The following TRHDE variants were observed in gnomAD, a reference collection of about 807,000 sequenced individuals.
TRHDE encodes the protein thyrotropin-releasing hormone-degrading ectoenzyme.
In TRHDE, 72 loss-of-function variants were observed where a neutral mutation model predicts 125.7. The ratio of observed to expected loss-of-function variants is 0.57; its 90% CI spans 0.47 to 0.70. The LOEUF (loss-of-function observed/expected upper bound fraction) is 0.70, where lower values mean the gene tolerates loss of function less well. TRHDE is among the 30% of genes least tolerant of loss of function. The pLI is 0.00. For synonymous variants in TRHDE, 509 were observed against 509.1 expected (o/e 1.00, Z 0.00); for missense variants, 1,110 against 1,327.1 (o/e 0.84, Z 2.54).
At chr12:72,248,005 G>A (rs1001457873) in intron 2 of TRHDE, among the ~76,000 whole-genome samples, 8 of 152,118 alleles carry the variant, frequency 5.3e-5, no homozygotes, top group South Asian at 4.2e-4. Context: ...GTCTCAGTGT[G>A]TATGTATGCA....
intron 2 of TRHDE, among the ~76,000 whole-genome samples, chr12:72,118,866 G>T (rs148831761): frequency 6.6e-6 from 1 of 151,856 alleles, no homozygotes; most frequent in Non-Finnish European, 1.5e-5. Flanking sequence ...ATAATTCTTT[G>T]ATTTGCTGTG....
At chr12:72,570,860 G>A (rs1195541261) in intron 10 of TRHDE, among the ~76,000 whole-genome samples, 1 of 152,168 alleles carries the variant, frequency 6.6e-6, no homozygotes, top group Non-Finnish European at 1.5e-5. Flanking sequence ...CCAAAGTTGT[G>A]TAAGGTGCGA....
At chr12:72,505,500 G>A (rs909641918) in intron 6 of TRHDE, among the ~76,000 whole-genome samples, 4 of 152,136 alleles carry the variant, frequency 2.6e-5, no homozygotes, top group African/African-American at 9.7e-5. Flanking sequence ...ATGCCAAGGT[G>A]GAGAGGGTTG....
chr12:72,451,981 A>G (rs1224382018), intron 3 of TRHDE, among the ~76,000 whole-genome samples: 8 of 152,094 alleles, frequency 5.3e-5, no homozygotes, highest in Admixed American at 1.3e-4. Context: ...GGCCTGTGCC[A>G]GCATGCCCAG....
intron 6 of TRHDE, among the ~76,000 whole-genome samples, chr12:72,510,140 C>T (rs1484608253): frequency 6.6e-6 from 1 of 152,154 alleles, no homozygotes; most frequent in Admixed American, 6.5e-5. Flanking sequence ...GCACAATTAG[C>T]CTCCTGTTCT....
chr12:72,210,515 G>A (rs1592485051), intron 2 of TRHDE, among the ~76,000 whole-genome samples: 1 of 152,136 alleles, frequency 6.6e-6, no homozygotes, highest in Non-Finnish European at 1.5e-5. Context: ...CAATATTTGT[G>A]TTAATGGATA....
intron 6 of TRHDE, among the ~76,000 whole-genome samples, chr12:72,504,577 C>G (rs1023400525): frequency 6.6e-6 from 1 of 152,226 alleles, no homozygotes; most frequent in African/African-American, 2.4e-5. Flanking sequence ...GCTGGGATTA[C>G]AGGCGTGAGC....
intron 2 of TRHDE, among the ~76,000 whole-genome samples, chr12:72,244,306 T>A (rs1878535197): frequency 6.6e-6 from 1 of 152,194 alleles, no homozygotes; most frequent in Admixed American, 6.5e-5. Flanking sequence ...AATGAGCTTT[T>A]CCAAAGGATA....
intron 2 of TRHDE, among the ~76,000 whole-genome samples, chr12:72,219,500 G>A (rs1484320984): frequency 1.3e-5 from 2 of 152,020 alleles, no homozygotes; most frequent in Admixed American, 6.6e-5. Flanking sequence ...ATTCCAATTG[G>A]CTCAGCCTGA....
At chr12:72,552,416 C>G (rs999001968) in intron 7 of TRHDE, among the ~76,000 whole-genome samples, 42 of 152,002 alleles carry the variant, frequency 2.8e-4, no homozygotes, top group African/African-American at 1.0e-3. Flanking sequence ...AGAATGTAAT[C>G]AAGAATGATT....
At chr12:72,482,150 A>C (rs1170976637) in intron 5 of TRHDE, among the ~76,000 whole-genome samples, 1 of 151,976 alleles carries the variant, frequency 6.6e-6, no homozygotes, top group Non-Finnish European at 1.5e-5. Flanking sequence ...CTATGGAATA[A>C]ATCTCATGAT....
chr12:72,449,915 G>A (rs1875489957), intron 3 of TRHDE, among the ~76,000 whole-genome samples: 1 of 151,414 alleles, frequency 6.6e-6, no homozygotes, highest in African/African-American at 2.4e-5. Context: ...TCTCCTTCTA[G>A]TTTCCTGGAT....
chr12:72,567,393 T>G (rs1047627316), intron 9 of TRHDE, among the ~76,000 whole-genome samples: 9 of 151,968 alleles, frequency 5.9e-5, no homozygotes, highest in Non-Finnish European at 1.3e-4. Context: ...ATACTGGAGA[T>G]AGGATTGGTA....
At chr12:72,415,808 A>C (rs536811413) in intron 3 of TRHDE, among the ~76,000 whole-genome samples, 19 of 152,212 alleles carry the variant, frequency 1.2e-4, no homozygotes, top group African/African-American at 4.6e-4. Context: ...GACTGATTCC[A>C]TACCTTGGCT....
At chr12:72,123,754 A>T (rs2139302996) in intron 2 of TRHDE, among the ~76,000 whole-genome samples, 1 of 152,266 alleles carries the variant, frequency 6.6e-6, no homozygotes, top group South Asian at 2.1e-4. Context: ...ATATATATAT[A>T]TCCATGAAAC....
chr12:72,529,420 A>G (rs1868428901), intron 6 of TRHDE, among the ~76,000 whole-genome samples: 2 of 151,902 alleles, frequency 1.3e-5, no homozygotes, highest in South Asian at 4.2e-4. Flanking sequence ...CCCTTTCTTA[A>G]CCCCCTGTCC....
chr12:72,462,776 C>T (rs1439398788), intron 3 of TRHDE, among the ~76,000 whole-genome samples: 1 of 152,126 alleles, frequency 6.6e-6, no homozygotes. Context: ...TTCATGATAG[C>T]CCCAATTGCA....
At chr12:72,620,962 A>G in intron 13 of TRHDE, 146 bp from the exon 14 acceptor site, 1 of 391,320 alleles carries the variant, frequency 2.6e-6, no homozygotes, top group East Asian at 4.0e-5. Flanking sequence ...TAAAATTATA[A>G]TAGAACATTA....
chr12:72,302,845 C>T (rs1868282912), intron 2 of TRHDE, among the ~76,000 whole-genome samples: 1 of 152,290 alleles, frequency 6.6e-6, no homozygotes, highest in Non-Finnish European at 1.5e-5. Flanking sequence ...AGCTCAAGCT[C>T]TTTTGGACTG....
Sources: allele counts gnomAD v4.1 joint callset (sites outside exome capture counted in the v4.1 genomes callset), GRCh38; gene constraint gnomAD v4.1.1; transcripts MANE v1.5; gene names NCBI Gene and HGNC (gene_info 2026-07-23, HGNC 2026-07-21).